ANLN: variants seen among roughly 807,000 people sequenced by gnomAD.
ANLN encodes the protein anillin, actin binding protein, also known as anillin.
A neutral mutation model predicts 135.1 loss-of-function variants in ANLN; 59 were observed. That is an observed-to-expected ratio of 0.44 (90% CI 0.35 to 0.54). ANLN has a LOEUF of 0.54. ANLN is among the 20% of genes least tolerant of loss of function. The pLI is 0.00. For missense variants in ANLN, 1,182 were observed against 1,340.0 expected (o/e 0.88, Z 1.84); for synonymous variants, 406 against 456.4 (o/e 0.89, Z 1.41).
At chr7:36,396,950 C>G (rs1786728980) in intron 2 of ANLN, among the ~76,000 whole-genome samples, 1 of 152,122 alleles carries the variant, frequency 6.6e-6, no homozygotes, top group African/African-American at 2.4e-5. Context: ...CACATACACA[C>G]AAACAAAAAC....
chr7:36,397,221 C>A (rs886947758), intron 2 of ANLN, among the ~76,000 whole-genome samples: 4 of 151,556 alleles, frequency 2.6e-5, no homozygotes, highest in African/African-American at 9.7e-5. Flanking sequence ...AATCATAGAA[C>A]AAGAATTAGT....
At chr7:36,441,879 C>T (rs536074150) in intron 21 of ANLN, among the ~76,000 whole-genome samples, 1 of 152,254 alleles carries the variant, frequency 6.6e-6, no homozygotes, top group East Asian at 1.9e-4. Flanking sequence ...TAACGACATT[C>T]CTTTCTTTCT....
chr7:36,428,443 A>T, intron 20 of ANLN: 1 of 738,090 alleles, frequency 1.4e-6, no homozygotes, highest in Non-Finnish European at 2.0e-6. Flanking sequence ...TGTTTTACTA[A>T]CTATCTTTTT....
At chr7:36,448,275 G>A (rs1156508888) in intron 22 of ANLN, among the ~76,000 whole-genome samples, 1 of 152,132 alleles carries the variant, frequency 6.6e-6, no homozygotes, top group African/African-American at 2.4e-5. Flanking sequence ...TCCACCTCCT[G>A]AAGTGTTGAT....
intron 19 of ANLN, among the ~76,000 whole-genome samples, chr7:36,426,356 C>G (rs1203952560): frequency 2.0e-5 from 3 of 152,160 alleles, no homozygotes; most frequent in Non-Finnish European, 2.9e-5. Flanking sequence ...GATTTTACTT[C>G]TTTTAGCTTT....
intron 3 of ANLN, among the ~76,000 whole-genome samples, chr7:36,400,844 G>T (rs1011762784): frequency 6.6e-6 from 1 of 152,192 alleles, no homozygotes; most frequent in Non-Finnish European, 1.5e-5. Flanking sequence ...GGAGCTCAAA[G>T]ATGTGCTTTT....
chr7:36,407,711 C>T (rs1310000782), intron 4 of ANLN, 23 bp from the exon 5 acceptor site: 3 of 1,538,182 alleles, frequency 2.0e-6, no homozygotes. Context: ...ATGTTGTTTA[C>T]CCTAAGTGTT....
At chr7:36,390,401 A>G (rs991847790) in intron 1 of ANLN, 4 of 319,144 alleles carry the variant, frequency 1.3e-5, no homozygotes, top group African/African-American at 2.1e-5. Context: ...AGCAGCTGGA[A>G]TGCCCTGCAG....
chr7:36,442,972 T>C (rs1041805893), intron 21 of ANLN, among the ~76,000 whole-genome samples: 13 of 151,982 alleles, frequency 8.6e-5, no homozygotes, highest in Admixed American at 5.2e-4. Context: ...AGTGAGGGCT[T>C]CTATATAGAT....
At chr7:36,449,628 T>G in intron 22 of ANLN, 37 bp from the exon 23 acceptor site, 1 of 1,538,286 alleles carries the variant, frequency 6.5e-7, no homozygotes, top group Non-Finnish European at 8.9e-7. Context: ...TTAAATAGTC[T>G]TATTTTCTAC....
At chr7:36,426,847 G>T in intron 19 of ANLN, 69 bp from the exon 20 acceptor site, 2 of 862,838 alleles carry the variant, frequency 2.3e-6, no homozygotes, top group Non-Finnish European at 3.5e-6. Flanking sequence ...CTGGGATGGG[G>T]TGAGGAATTG....
intron 3 of ANLN, among the ~76,000 whole-genome samples, chr7:36,404,442 T>C (rs1787103132): frequency 6.6e-6 from 1 of 152,214 alleles, no homozygotes; most frequent in African/African-American, 2.4e-5. Context: ...GGAAATGTAA[T>C]GCCTTTTCCA....
In ANLN at chr7:36,398,865, A is replaced by G. The variant is rs7791953; in HGVS notation, c.173-214A>G. 0.18 allele frequency among the ~76,000 whole-genome samples: 26,946 copies of G among 151,568 alleles called. 2,601 individuals carry two copies. Among genetic ancestry groups the G allele is most frequent in the East Asian group, 0.41 (2,116 of 5,152 alleles). ...TAAATATCTTTTCATTAAGGTTTTT[A>G]TAATATAAATTGTGTCTGCTTGAAA... On this transcript the variant is annotated intron_variant, in intron 2 of 23. Transcript: ENST00000265748.
intron 20 of ANLN, among the ~76,000 whole-genome samples, chr7:36,437,560 G>C (rs907315826): frequency 5.9e-5 from 9 of 152,030 alleles, no homozygotes; most frequent in African/African-American, 2.2e-4. Context: ...AAGTGGGATT[G>C]CTGGGTTATA....
At chr7:36,393,080 A>T (rs943967068) in intron 1 of ANLN, among the ~76,000 whole-genome samples, 1 of 151,848 alleles carries the variant, frequency 6.6e-6, no homozygotes, top group Non-Finnish European at 1.5e-5. Context: ...CTGGAGCTCA[A>T]TGGTGCGATC....
intron 20 of ANLN, among the ~76,000 whole-genome samples, chr7:36,430,283 G>T (rs750359726): frequency 6.6e-6 from 1 of 152,152 alleles, no homozygotes; most frequent in African/African-American, 2.4e-5. Context: ...AATCACAGAG[G>T]TTATCTGTGA....
chr7:36,426,010 T>A lies in ANLN; in HGVS notation c.2749-5T>A, dbSNP rs781224968. 2 of 1,522,150 alleles carry A rather than the reference T, an allele frequency of 1.3e-6. No individual in the cohort carries two copies. The highest frequency in any genetic ancestry group is 1.8e-6 in the Non-Finnish European group (2 of 1,133,120). The allele number at this position is 1,522,150 out of a possible 1,614,324, so 94.3% of individuals were successfully genotyped here. On this transcript the variant is annotated splice_polypyrimidine_tract_variant and splice_region_variant and intron_variant, in intron 18 of 23. Coordinates refer to ENST00000265748, the MANE Select transcript of ANLN (RefSeq NM_018685.5). ...TCTTCTTCACACCTTTTTTTTTTTTTTTAGAAAAGCAACATTCATTCTTCA... is the reference window on the plus strand; with the variant it reads ...TCTTCTTCACACCTTTTTTTTTTTTATTAGAAAAGCAACATTCATTCTTCA...
chr7:36,419,158 A>T, intron 9 of ANLN, 86 bp from the exon 10 acceptor site: 1 of 904,040 alleles, frequency 1.1e-6, no homozygotes, highest in Non-Finnish European at 1.6e-6. Flanking sequence ...CTATTTAGTA[A>T]GAATATGAAT....
At chr7:36,425,068 A>T (rs1055879206) in intron 17 of ANLN, among the ~76,000 whole-genome samples, 1 of 152,060 alleles carries the variant, frequency 6.6e-6, no homozygotes, top group Non-Finnish European at 1.5e-5. Context: ...ACCAGTACTT[A>T]ATAATTATGT....
Sources: allele counts gnomAD v4.1 joint callset (sites outside exome capture counted in the v4.1 genomes callset), GRCh38; gene constraint gnomAD v4.1.1; transcripts MANE v1.5; gene names NCBI Gene and HGNC (gene_info 2026-07-23, HGNC 2026-07-21).